Variants in CSMD1 observed in about 807,000 individuals in gnomAD.
CSMD1 encodes CUB and sushi domain-containing protein 1.
Under a neutral mutation model 417.5 loss-of-function variants are expected in CSMD1, and 213 were observed. The observed-to-expected ratio is 0.51, with a 90% CI of 0.46 to 0.57. The LOEUF is 0.57. Ranked by LOEUF, CSMD1 falls within the 20% of genes least tolerant of loss-of-function variation. The pLI is 0.00. For missense variants in CSMD1, 6,923 were observed against 4,529.7 expected, an observed-to-expected ratio of 1.53 and a Z score of -15.17; for synonymous variants, 2,862 against 1,736.8, an observed-to-expected ratio of 1.65 and a Z score of -16.11.
At chr8:3,438,206 T>C (rs10108731) in intron 12 of CSMD1, among the ~76,000 whole-genome samples, 3,327 of 152,300 alleles carry the variant, frequency 0.022, 35 homozygotes, top group Middle Eastern at 0.044. Flanking sequence ...TAGATCCATA[T>C]GCAGTTGTAA....
At chr8:4,285,318 G>C (rs192221817) in intron 3 of CSMD1, among the ~76,000 whole-genome samples, 1 of 152,154 alleles carries the variant, frequency 6.6e-6, no homozygotes, top group Non-Finnish European at 1.5e-5. Flanking sequence ...GCCATGTGCA[G>C]TCCTTTACTT....
At chr8:3,372,281 C>A (rs1318795261) in intron 18 of CSMD1, among the ~76,000 whole-genome samples, 1 of 152,104 alleles carries the variant, frequency 6.6e-6, no homozygotes, top group Non-Finnish European at 1.5e-5. Flanking sequence ...TACAGTGGAG[C>A]TGCAGGGACA....
At chr8:4,155,753 T>C (rs1177016644) in intron 3 of CSMD1, among the ~76,000 whole-genome samples, 3 of 152,164 alleles carry the variant, frequency 2.0e-5, no homozygotes, top group Non-Finnish European at 2.9e-5. Flanking sequence ...GCTTTTGTCA[T>C]TGATCCCCGG....
chr8:3,232,376 G>C (rs553577512), intron 26 of CSMD1, among the ~76,000 whole-genome samples: 57 of 152,236 alleles, frequency 3.7e-4, no homozygotes, highest in African/African-American at 1.3e-3. Flanking sequence ...CCCCTTGCTT[G>C]TATTATGTTT....
chr8:3,598,646 A>G (rs552293975), intron 8 of CSMD1, among the ~76,000 whole-genome samples: 1 of 152,152 alleles, frequency 6.6e-6, no homozygotes, highest in East Asian at 1.9e-4. Flanking sequence ...GGGCTTGCTC[A>G]TTTTGCTAAG....
At chr8:3,725,730 C>G (rs1563314081) in intron 6 of CSMD1, among the ~76,000 whole-genome samples, 2 of 152,088 alleles carry the variant, frequency 1.3e-5, no homozygotes, top group East Asian at 1.9e-4. Flanking sequence ...GGCCACATAC[C>G]AACTGCTGTG....
chr8:3,963,160 G>A (rs1177658526), intron 5 of CSMD1, among the ~76,000 whole-genome samples: 1 of 152,104 alleles, frequency 6.6e-6, no homozygotes, highest in East Asian at 1.9e-4. Flanking sequence ...TCAAACTCCT[G>A]ACCTCCAGTA....
chr8:4,032,005 G>C lies in CSMD1; in HGVS notation c.510C>G (p.Ser170Arg), dbSNP rs367565021. 29 of 1,613,932 alleles carry C rather than the reference G, an allele frequency of 1.8e-5. No individual in the cohort carries two copies. Among genetic ancestry groups the C allele is most frequent in the Non-Finnish European group, 2.3e-5 (27 of 1,179,834 alleles). ...CTTCCAAGATGTAGCCAGGGAGGCA[G>C]CTGTACCGGATTTTGTCTCCTATGT... ...RFNIGDKIRY[S>R]CLPGYILEGH... Residue 170 changes from serine (S) to arginine (R), a missense_variant, in exon 4 of 70, where the codon AGC becomes AGG. Physicochemically the swap from Ser to Arg is moderately radical, Grantham distance 110 (BLOSUM62 -1). Transcript: ENST00000635120.
chr8:4,333,865 G>A (rs1435642414), intron 3 of CSMD1, among the ~76,000 whole-genome samples: 1 of 152,162 alleles, frequency 6.6e-6, no homozygotes, highest in Admixed American at 6.5e-5. Flanking sequence ...TTAACATGGG[G>A]ATTCTAATAC....
At chr8:4,855,680 T>C (rs529649638) in intron 1 of CSMD1, among the ~76,000 whole-genome samples, 41 of 151,778 alleles carry the variant, frequency 2.7e-4, no homozygotes, top group South Asian at 1.3e-3. Context: ...GAAGATGAAA[T>C]GAATGAAATG....
At chr8:3,912,699 C>T (rs543269157) in intron 5 of CSMD1, among the ~76,000 whole-genome samples, 7 of 152,232 alleles carry the variant, frequency 4.6e-5, no homozygotes, top group South Asian at 2.1e-4. Context: ...ATGCAGAATA[C>T]GACAACTGAT....
intron 5 of CSMD1, among the ~76,000 whole-genome samples, chr8:3,855,869 G>A (rs1804268651): frequency 6.6e-6 from 1 of 152,066 alleles, no homozygotes; most frequent in Non-Finnish European, 1.5e-5. Flanking sequence ...ATGACACTTT[G>A]GAAACATTGT....
chr8:3,248,346 T>C (rs1354990834), intron 26 of CSMD1, among the ~76,000 whole-genome samples: 1 of 152,182 alleles, frequency 6.6e-6, no homozygotes, highest in Non-Finnish European at 1.5e-5. Flanking sequence ...CCATGTTTAC[T>C]CTTAAAATAT....
At chr8:4,065,460 C>A (rs1799195087) in intron 3 of CSMD1, among the ~76,000 whole-genome samples, 1 of 152,186 alleles carries the variant, frequency 6.6e-6, no homozygotes, top group Admixed American at 6.5e-5. Flanking sequence ...TTTGGCTTTT[C>A]TTTTACTGAA....
At chr8:4,074,443 T>G (rs947084001) in intron 3 of CSMD1, among the ~76,000 whole-genome samples, 2 of 152,148 alleles carry the variant, frequency 1.3e-5, no homozygotes, top group Non-Finnish European at 2.9e-5. Context: ...TTATTTACTT[T>G]CAGAGAAGCA....
intron 1 of CSMD1, among the ~76,000 whole-genome samples, chr8:4,703,709 G>C (rs1165673188): frequency 1.3e-5 from 2 of 152,014 alleles, no homozygotes; most frequent in Non-Finnish European, 1.5e-5. Flanking sequence ...TGAATTAAAA[G>C]ATTTTCTTTA....
At chr8:3,641,470 T>G (rs1222925582) in intron 7 of CSMD1, among the ~76,000 whole-genome samples, 1 of 152,198 alleles carries the variant, frequency 6.6e-6, no homozygotes, top group African/African-American at 2.4e-5. Context: ...GGTTTTTAGC[T>G]GAAAGAACAG....
chr8:4,648,401 G>A (rs1286582877), intron 1 of CSMD1, among the ~76,000 whole-genome samples: 3 of 152,030 alleles, frequency 2.0e-5, no homozygotes, highest in Admixed American at 6.6e-5. Flanking sequence ...GCCCCTAATG[G>A]TGCCTCAGCC....
At chr8:4,652,820 T>C (rs1357352214) in intron 1 of CSMD1, among the ~76,000 whole-genome samples, 1 of 152,066 alleles carries the variant, frequency 6.6e-6, no homozygotes, top group Admixed American at 6.5e-5. Flanking sequence ...CATTAGATTC[T>C]CATAAAGACT....
Sources: gnomAD v4.1 joint callset for allele counts (sites outside exome capture counted in the v4.1 genomes callset) on GRCh38, gnomAD v4.1.1 for gene constraint, MANE v1.5 for transcripts, NCBI Gene and HGNC (gene_info 2026-07-23, HGNC 2026-07-21) for gene names.